Variants in RASAL2 observed in about 807,000 individuals in gnomAD.
RASAL2 encodes RAS protein activator like 2.
In RASAL2, 58 loss-of-function variants were observed where a neutral mutation model predicts 128.9. The observed-to-expected ratio is 0.45, with a 90% confidence interval of 0.36 to 0.56. RASAL2 has a LOEUF of 0.56. Among genes scored for constraint, RASAL2 ranks in the 20% least tolerant of loss-of-function variants. The probability of loss-of-function intolerance (pLI) is 0.00; values close to 1 mark genes in which losing one functional copy is unlikely to be tolerated. For synonymous variants in RASAL2, 561 were observed against 580.8 expected (o/e 0.97, Z 0.49); for missense variants, 1,360 against 1,601.6 (o/e 0.85, Z 2.57).
chr1:178,160,117 G>A (rs1024193704), intron 1 of RASAL2, among the ~76,000 whole-genome samples: 13 of 150,280 alleles, frequency 8.7e-5, no homozygotes, highest in African/African-American at 2.5e-4. Flanking sequence ...TGTTGCATAT[G>A]TATACATGTG....
chr1:178,410,935 G>T (rs1674327950), intron 4 of RASAL2, among the ~76,000 whole-genome samples: 1 of 152,144 alleles, frequency 6.6e-6, no homozygotes, highest in Non-Finnish European at 1.5e-5. Context: ...ATGTAAACTA[G>T]TACAACCACT....
intron 3 of RASAL2, among the ~76,000 whole-genome samples, chr1:178,351,270 A>G (rs914723944): frequency 1.3e-5 from 2 of 152,200 alleles, no homozygotes; most frequent in Non-Finnish European, 2.9e-5. Context: ...GGCCCCTTCC[A>G]AATCTCATGT....
At chr1:178,134,491 T>A (rs1009711312) in intron 1 of RASAL2, among the ~76,000 whole-genome samples, 27 of 149,908 alleles carry the variant, frequency 1.8e-4, no homozygotes, top group Non-Finnish European at 2.8e-4. Flanking sequence ...AAGGATTAGA[T>A]GATGTTGAAG....
chr1:178,190,216 C>G (rs1247948950), intron 1 of RASAL2, among the ~76,000 whole-genome samples: 2 of 152,102 alleles, frequency 1.3e-5, no homozygotes, highest in Non-Finnish European at 1.5e-5. Flanking sequence ...TGTTTATTTT[C>G]TTTTTCATCT....
In RASAL2 at chr1:178,134,503, T is replaced by C. The variant is rs146042782; in HGVS notation, c.202+39809T>C. 7.7e-3 allele frequency among the ~76,000 whole-genome samples: 1,146 copies of C among 148,806 alleles called. 15 individuals are homozygous for C. Among genetic ancestry groups the C allele is most frequent in the African/African-American group, 0.027 (1,079 of 40,570 alleles). On this transcript the variant is annotated intron_variant, in intron 1 of 17. Transcript: ENST00000367649. ...AAGAAGGATTAGATGATGTTGAAGG[T>C]GAAGCCTGCTATAGGGGCAGGCAAT...
intron 1 of RASAL2, among the ~76,000 whole-genome samples, chr1:178,237,366 G>A (rs1571679596): frequency 6.6e-6 from 1 of 152,152 alleles, no homozygotes; most frequent in East Asian, 1.9e-4. Flanking sequence ...TCCCATATGA[G>A]GATATACATT....
chr1:178,275,442 A>C (rs1167024942), intron 1 of RASAL2, among the ~76,000 whole-genome samples: 1 of 152,240 alleles, frequency 6.6e-6, no homozygotes, highest in Non-Finnish European at 1.5e-5. Flanking sequence ...GGACAGTGCA[A>C]ACTGTTGTAG....
chr1:178,453,922 T>G (rs1011725465), intron 11 of RASAL2, among the ~76,000 whole-genome samples: 7 of 152,066 alleles, frequency 4.6e-5, no homozygotes, highest in Admixed American at 6.5e-5. Flanking sequence ...ATATACATAT[T>G]TATCGATATT....
At chr1:178,422,813 A>T (rs1675243135) in intron 5 of RASAL2, among the ~76,000 whole-genome samples, 2 of 152,262 alleles carry the variant, frequency 1.3e-5, no homozygotes, top group South Asian at 4.1e-4. Context: ...TTCCAGTTAA[A>T]TGTAGTAAGC....
At chr1:178,448,775 A>T (rs1473086212) in intron 9 of RASAL2, among the ~76,000 whole-genome samples, 1 of 152,182 alleles carries the variant, frequency 6.6e-6, no homozygotes, top group Non-Finnish European at 1.5e-5. Flanking sequence ...AGTGTGCTAA[A>T]CAGGATTTCT....
At chr1:178,404,355 TATAATC>T (rs1476916052) in intron 4 of RASAL2, among the ~76,000 whole-genome samples, 1 of 149,782 alleles carries the variant, frequency 6.7e-6, no homozygotes, top group East Asian at 1.9e-4. Context: ...CAAATTCACT[TATAATC>T]AGACAAATGC....
At chr1:178,279,837 G>T (rs984929551) in intron 1 of RASAL2, among the ~76,000 whole-genome samples, 9 of 152,130 alleles carry the variant, frequency 5.9e-5, no homozygotes, top group African/African-American at 2.2e-4. Flanking sequence ...AGTAGTACTT[G>T]AAGTCTTTTC....
chr1:178,151,171 C>T (rs1209784329), intron 1 of RASAL2, among the ~76,000 whole-genome samples: 4 of 151,990 alleles, frequency 2.6e-5, no homozygotes, highest in South Asian at 2.1e-4. Context: ...TTTGGGAGGC[C>T]GAGGCGGGTG....
intron 4 of RASAL2, among the ~76,000 whole-genome samples, chr1:178,406,430 T>C (rs892502880): frequency 3.3e-5 from 5 of 152,136 alleles, no homozygotes; most frequent in African/African-American, 7.2e-5. Context: ...GAGGAAGGGA[T>C]TGACTGACTA....
chr1:178,122,838 AT>A (rs5778973), intron 1 of RASAL2, among the ~76,000 whole-genome samples: 137,370 of 141,658 alleles, frequency 0.97, 66,578 homozygotes, highest in East Asian at 0.99. Flanking sequence ...CTTACTTTCC[AT>A]TTTTTTTTTT....
At chr1:178,183,652 T>TTG (rs1315166845) in intron 1 of RASAL2, among the ~76,000 whole-genome samples, 1 of 152,216 alleles carries the variant, frequency 6.6e-6, no homozygotes, top group Non-Finnish European at 1.5e-5. Flanking sequence ...ATCCATGTCT[T>TTG]TGTGTGGCTT....
At chr1:178,173,852 TTTTA>T in intron 1 of RASAL2, among the ~76,000 whole-genome samples, 1 of 152,048 alleles carries the variant, frequency 6.6e-6, no homozygotes, top group East Asian at 1.9e-4. Flanking sequence ...AAGAGAGGAA[TTTTA>T]ATGGTTGGGT....
chr1:178,411,236 A>G (rs1300766719), intron 4 of RASAL2, among the ~76,000 whole-genome samples: 3 of 151,912 alleles, frequency 2.0e-5, no homozygotes, highest in African/African-American at 7.3e-5. Flanking sequence ...GGAACGAAAT[A>G]ATGGCATTCG....
chr1:178,286,767 A>C (rs1436629501), intron 2 of RASAL2, among the ~76,000 whole-genome samples: 1 of 151,550 alleles, frequency 6.6e-6, no homozygotes, highest in Admixed American at 6.6e-5. Flanking sequence ...CCCCTGGGCC[A>C]TTATTATCTC....
Sources: gnomAD v4.1 joint callset for allele counts (sites outside exome capture counted in the v4.1 genomes callset) on GRCh38, gnomAD v4.1.1 for gene constraint, MANE v1.5 for transcripts, NCBI Gene and HGNC (gene_info 2026-07-23, HGNC 2026-07-21) for gene names.